The following ADD1 variants were observed in gnomAD, a reference collection of about 807,000 sequenced individuals.
ADD1 encodes the protein adducin 1, also known as alpha-adducin.
ADD1 carries 24 observed loss-of-function variants against 80.5 expected under a neutral mutation model. The observed-to-expected ratio is 0.30, with a 90% CI of 0.22 to 0.42. ADD1 has a LOEUF of 0.42. Ranked by LOEUF, ADD1 falls within the 10% of genes least tolerant of loss-of-function variation. The probability of loss-of-function intolerance (pLI) is 1.00; values close to 1 mark genes in which losing one functional copy is unlikely to be tolerated. For missense variants in ADD1, 948 were observed against 1,019.0 expected, an observed-to-expected ratio of 0.93 and a Z score of 0.95; for synonymous variants, 373 against 393.8, an observed-to-expected ratio of 0.95 and a Z score of 0.63.
At chr4:2,856,559 G>A (rs1196879974) in intron 1 of ADD1, among the ~76,000 whole-genome samples, 1 of 131,996 alleles carries the variant, frequency 7.6e-6, no homozygotes, top group African/African-American at 2.8e-5. Flanking sequence ...ATTTCTGCAT[G>A]TTACTCAAGT....
intron 1 of ADD1, among the ~76,000 whole-genome samples, chr4:2,869,142 C>T (rs1730021506): frequency 6.6e-6 from 1 of 152,108 alleles, no homozygotes. Flanking sequence ...TCCTGACAGC[C>T]CCTCTCTATG....
At position 2,904,824 on chromosome 4, in the gene ADD1, A is replaced by G; in HGVS notation, c.1222A>G (p.Ser408Gly). The G allele has an allele frequency of 6.2e-7, 1 of 1,614,220 alleles. No individual in the cohort carries two copies. The change falls in exon 10 of 16, where the codon AGC becomes GGC. Residue 408 changes from serine (S) to glycine (G), a missense_variant. Physicochemically the swap from Ser to Gly is moderately conservative, Grantham distance 56. Coordinates refer to ENST00000683351, the MANE Select transcript of ADD1 (RefSeq NM_001354761.2). ...TCTGAGAGAGAAGTCTAAAAAATACAGCGATGTGGAGGTTCCTGCTAGTGT... is the reference window on the plus strand; with the variant it reads ...TCTGAGAGAGAAGTCTAAAAAATACGGCGATGTGGAGGTTCCTGCTAGTGT... The part of the protein sequence containing the change: ...PALREKSKKY[S>G]DVEVPASVTG...
At chr4:2,859,016 G>T (rs1728472187) in intron 1 of ADD1, among the ~76,000 whole-genome samples, 1 of 152,132 alleles carries the variant, frequency 6.6e-6, no homozygotes, top group Non-Finnish European at 1.5e-5. Flanking sequence ...GGCGTTGCTG[G>T]TACAAAGTCA....
intron 4 of ADD1, among the ~76,000 whole-genome samples, chr4:2,885,771 G>A (rs1204596142): frequency 8.6e-5 from 13 of 150,938 alleles, no homozygotes; most frequent in Non-Finnish European, 1.6e-4. Context: ...CACCACGCCT[G>A]GCTAATTTTT....
chr4:2,899,601 A>C lies in ADD1; in HGVS notation c.1161+166A>C, dbSNP rs535513161. On this transcript the variant is annotated intron_variant, in intron 9 of 15. Transcript: ENST00000683351. ...TTGTTTAACTTCTGAGGTAAATTAC[A>C]ATAAAATGTAGAGGTGAAGGATTCC... 5.3e-6 allele frequency: 4 copies of C among 759,676 alleles called. No individual in the cohort carries two copies. The African/African-American group carries it at 6.9e-5, about 13-fold the overall frequency. The allele number at this position is 759,676 out of a possible 1,614,324, so 47.1% of individuals were successfully genotyped here.
intron 1 of ADD1, among the ~76,000 whole-genome samples, chr4:2,853,949 G>T (rs529457337): frequency 6.6e-6 from 1 of 152,270 alleles, no homozygotes; most frequent in East Asian, 1.9e-4. Flanking sequence ...TGGCTTGTGT[G>T]CTGCTGATTC....
At chr4:2,881,264 A>AC (rs1250447163) in intron 2 of ADD1, among the ~76,000 whole-genome samples, 1 of 151,806 alleles carries the variant, frequency 6.6e-6, no homozygotes, top group Non-Finnish European at 1.5e-5. Context: ...TTTTTAGTAG[A>AC]GATGGGGTTT....
Position 2,926,341 on chromosome 4 carries a change from G to A in ADD1, c.2047+229G>A, listed in dbSNP as rs1038518985. The A allele has an allele frequency of 1.4e-5, 10 of 703,616 alleles. No homozygotes were observed. The highest frequency in any genetic ancestry group is 2.6e-5 in the Non-Finnish European group (10 of 387,534). The allele number at this position is 703,616 out of a possible 1,614,324, so 43.6% of individuals were successfully genotyped here. A position where few individuals can be genotyped will look rare whatever the true frequency, so the allele number is the denominator to read the frequency against. ...GGTAGGAAGGCCGGCCTCGGGGGTC[G>A]GAACCCACCATGGTTGCTGGTGTCC... On this transcript the variant is annotated intron_variant, in intron 15 of 15. Coordinates refer to ENST00000683351, the MANE Select transcript of ADD1 (RefSeq NM_001354761.2). This position sits in a 1 kb window ranked among gnomAD's most constrained non-coding sequence, Gnocchi z 5.0.
chr4:2,866,252 C>T (rs1332310647), intron 1 of ADD1, among the ~76,000 whole-genome samples: 1 of 152,052 alleles, frequency 6.6e-6, no homozygotes, highest in African/African-American at 2.4e-5. Context: ...CTGCACCCTT[C>T]GCCTTCCGGG....
At position 2,926,081 on chromosome 4, in the gene ADD1, G is replaced by A. The variant is rs942795966; in HGVS notation, c.2016G>A (p.Pro672=). ...CAGACCAGCCTGCGGTCCCCCACCC[G>A]CCTCCCAGCACTCCCATCAAGCTGG... ...SPPDQPAVPH[P]PPSTPIKLEE... Residue 672 remains proline, a synonymous_variant, in exon 15 of 16, where the codon CCG becomes CCA. Transcript: ENST00000683351. This position sits in a 1 kb window ranked among gnomAD's most constrained non-coding sequence, Gnocchi z 5.0. 1.2e-5 allele frequency: 20 copies of A among 1,614,088 alleles called. No individual in the cohort carries two copies. Among genetic ancestry groups the A allele is most frequent in the East Asian group, 8.9e-5 (4 of 44,872 alleles).
intron 1 of ADD1, among the ~76,000 whole-genome samples, chr4:2,866,996 C>T (rs894241775): frequency 3.9e-5 from 6 of 151,998 alleles, no homozygotes; most frequent in South Asian, 2.1e-4. Flanking sequence ...CACTTGAGCC[C>T]GGGGGCAGAG....
chr4:2,857,105 G>C lies in ADD1; in HGVS notation c.-21+13081G>C, dbSNP rs751413596. 2.0e-5 allele frequency among the ~76,000 whole-genome samples: 3 copies of C among 151,194 alleles called. No individual in the cohort carries two copies. The East Asian group carries it at 5.8e-4, about 29-fold the overall frequency. On this transcript the variant is annotated intron_variant, in intron 1 of 15. Transcript: ENST00000683351. ...TTTTTTGTATTTTTAGTAGAGACAGGGTTTCACCATGTTAGCCAGGCTGGT... is the reference window on the plus strand; with the variant it reads ...TTTTTTGTATTTTTAGTAGAGACAGCGTTTCACCATGTTAGCCAGGCTGGT...
At chr4:2,852,247 C>CTCTT (rs771188984) in intron 1 of ADD1, among the ~76,000 whole-genome samples, 5 of 66,256 alleles carry the variant, frequency 7.5e-5, no homozygotes, top group Admixed American at 6.8e-4. Flanking sequence ...TTCTTTCTTT[C>CTCTT]TCTTTCTTTC....
At position 2,898,871 on chromosome 4, in the gene ADD1, G is replaced by A. The variant is rs1735701842; in HGVS notation, c.984+340G>A. 1.3e-5 allele frequency: 5 copies of A among 387,326 alleles called. 1 individual carries two copies. Among genetic ancestry groups the A allele is most frequent in the South Asian group, 1.1e-4 (4 of 36,388 alleles). The allele number at this position is 387,326 out of a possible 1,614,324, so 24.0% of individuals were successfully genotyped here. On this transcript the variant is annotated intron_variant, in intron 8 of 15. Transcript: ENST00000683351. ...GACCCCCACAGTACTCTTTGAAAAAGCAGGTATACAGAAGTAGAGACTCAG... is the reference window on the plus strand; with the variant it reads ...GACCCCCACAGTACTCTTTGAAAAAACAGGTATACAGAAGTAGAGACTCAG...
intron 2 of ADD1, among the ~76,000 whole-genome samples, chr4:2,878,948 G>C (rs553914589): frequency 4.3e-4 from 65 of 152,246 alleles, no homozygotes; most frequent in African/African-American, 1.5e-3. Context: ...ATGCTAGGAG[G>C]GGGTGGTTGC....
chr4:2,849,044 T>G (rs73794816), intron 1 of ADD1, among the ~76,000 whole-genome samples: 1,979 of 152,268 alleles, frequency 0.013, 39 homozygotes, highest in African/African-American at 0.044. Flanking sequence ...GTAATTACAC[T>G]TTTACTTTCC....
chr4:2,872,906 T>C (rs1199735811), intron 1 of ADD1, among the ~76,000 whole-genome samples: 2 of 152,134 alleles, frequency 1.3e-5, no homozygotes, highest in Non-Finnish European at 2.9e-5. Context: ...TTTAAATTTA[T>C]TCTAAGATAC....
chr4:2,926,212 GTGTGTGCT>G lies in ADD1; in HGVS notation c.2047+103_2047+110del. ...GAGTCGTGTTAACAGCAACACGGAA[GTGTGTGCT>G]TGCATCAGCGCCAGGACGTGACACC... On this transcript the variant is annotated intron_variant, in intron 15 of 15. Coordinates refer to ENST00000683351, the MANE Select transcript of ADD1 (RefSeq NM_001354761.2). This position sits in a 1 kb window ranked among gnomAD's most constrained non-coding sequence, Gnocchi z 5.0. 1 of 1,045,034 alleles carries G rather than the reference GTGTGTGCT, an allele frequency of 9.6e-7. No homozygotes were observed. The highest frequency in any genetic ancestry group is 1.5e-6 in the Non-Finnish European group (1 of 673,852). 64.7% of individuals were successfully genotyped at this position (1,045,034 alleles called of 1,614,324 possible). A position where few individuals can be genotyped will look rare whatever the true frequency, so the allele number is the denominator to read the frequency against.
intron 14 of ADD1, among the ~76,000 whole-genome samples, chr4:2,920,053 G>C (rs1352667197): frequency 6.6e-6 from 1 of 152,044 alleles, no homozygotes; most frequent in African/African-American, 2.4e-5. Context: ...TGTTCTCATT[G>C]TTTTCAAAGA....
Sources: allele counts gnomAD v4.1 joint callset (sites outside exome capture counted in the v4.1 genomes callset), GRCh38; gene constraint gnomAD v4.1.1; non-coding constraint Gnocchi (gnomAD v3.1); transcripts MANE v1.5; gene names NCBI Gene and HGNC (gene_info 2026-07-23, HGNC 2026-07-21).